Variants in FNDC3B observed in about 807,000 individuals in gnomAD.
The protein encoded by FNDC3B is fibronectin type III domain containing 3B.
A neutral mutation model predicts 151.5 loss-of-function variants in FNDC3B; 12 were observed. The observed-to-expected ratio is 0.08, with a 90% CI of 0.05 to 0.13. The LOEUF (loss-of-function observed/expected upper bound fraction) is 0.13, where lower values mean the gene tolerates loss of function less well. FNDC3B is among the 10% of genes least tolerant of loss of function. The pLI, the probability that FNDC3B is intolerant of heterozygous loss-of-function variation, is 1.00. For missense variants in FNDC3B, 1,214 were observed against 1,505.3 expected (o/e 0.81, Z 3.20); for synonymous variants, 528 against 549.0 (o/e 0.96, Z 0.54).
chr3:172,103,865 A>G (rs1278906369), intron 1 of FNDC3B, among the ~76,000 whole-genome samples: 1 of 152,318 alleles, frequency 6.6e-6, no homozygotes, highest in East Asian at 1.9e-4. Context: ...TTGTGCCTCA[A>G]CCAAGCAGCT....
At chr3:172,140,785 G>T (rs1721589004) in intron 3 of FNDC3B, among the ~76,000 whole-genome samples, 1 of 152,212 alleles carries the variant, frequency 6.6e-6, no homozygotes, top group Non-Finnish European at 1.5e-5. Flanking sequence ...CCTCTCAAGG[G>T]AGGTACTCAG....
At chr3:172,228,655 A>G (rs559599046) in intron 4 of FNDC3B, among the ~76,000 whole-genome samples, 17 of 152,222 alleles carry the variant, frequency 1.1e-4, no homozygotes, top group African/African-American at 3.4e-4. Context: ...TGATGGAAGC[A>G]TGTTGATGCT....
At chr3:172,156,907 A>G (rs1406308813) in intron 3 of FNDC3B, among the ~76,000 whole-genome samples, 1 of 152,154 alleles carries the variant, frequency 6.6e-6, no homozygotes, top group Non-Finnish European at 1.5e-5. Flanking sequence ...TGTCCTCAAT[A>G]TTCCGGTCTG....
intron 16 of FNDC3B, among the ~76,000 whole-genome samples, chr3:172,338,486 A>G (rs981289440): frequency 2.6e-5 from 4 of 152,192 alleles, no homozygotes; most frequent in Non-Finnish European, 1.5e-5. Flanking sequence ...TAACAAGTTT[A>G]GAAAATGTCT....
chr3:172,324,961 T>C (rs1218936934), intron 11 of FNDC3B, among the ~76,000 whole-genome samples: 1 of 152,210 alleles, frequency 6.6e-6, no homozygotes, highest in Non-Finnish European at 1.5e-5. Context: ...GCTAGGAGTC[T>C]CTTCCCTCAG....
At chr3:172,060,391 C>G (rs1717140479) in intron 1 of FNDC3B, among the ~76,000 whole-genome samples, 1 of 151,988 alleles carries the variant, frequency 6.6e-6, no homozygotes, top group African/African-American at 2.4e-5. Flanking sequence ...GGCCCCACAC[C>G]AGGCTTTTCT....
At chr3:172,305,912 C>T (rs756457150) in intron 9 of FNDC3B, among the ~76,000 whole-genome samples, 2 of 152,166 alleles carry the variant, frequency 1.3e-5, no homozygotes, top group African/African-American at 2.4e-5. Context: ...ACTTACAGTG[C>T]GTGCAAAAAG....
At chr3:172,133,702 T>C in intron 3 of FNDC3B, 156 bp downstream of exon 3, 3 of 704,206 alleles carry the variant, frequency 4.3e-6, no homozygotes, top group Non-Finnish European at 5.2e-6. Flanking sequence ...GTCTCAAATA[T>C]ATATTATGAT....
intron 25 of FNDC3B, among the ~76,000 whole-genome samples, chr3:172,390,041 G>C (rs557963718): frequency 6.6e-6 from 1 of 152,202 alleles, no homozygotes; most frequent in South Asian, 2.1e-4. Context: ...TAAACACTGT[G>C]GTATCAGAAT....
At chr3:172,380,910 GACTATTA>G in intron 24 of FNDC3B, 49 bp from the exon 25 acceptor site, 1 of 1,586,590 alleles carries the variant, frequency 6.3e-7, no homozygotes, top group South Asian at 1.1e-5. Flanking sequence ...CTAAAGTGTT[GACTATTA>G]ACATGATACT....
intron 1 of FNDC3B, among the ~76,000 whole-genome samples, chr3:172,060,762 A>T (rs1232400167): frequency 1.3e-5 from 2 of 152,174 alleles, no homozygotes; most frequent in Non-Finnish European, 2.9e-5. Flanking sequence ...TGATTTAATG[A>T]TGGAGCAGGA....
rs1722461627 is a variant in FNDC3B, at chr3:172,155,961, C to CT, written c.187+22421dup. Among the ~76,000 whole-genome samples the CT allele has an allele frequency of 2.0e-5, 3 of 152,272 alleles. No individual in the cohort carries two copies. The South Asian group carries it at 6.2e-4, about 32-fold the overall frequency. ...GAAGAGCTGTATATGTAACTATATG[C>CT]TTTTTTCCTCAACTTATACTGGAAA... On this transcript the variant is annotated intron_variant, in intron 3 of 25. Transcript: ENST00000415807.
At chr3:172,172,077 T>A (rs542231956) in intron 3 of FNDC3B, among the ~76,000 whole-genome samples, 1 of 152,336 alleles carries the variant, frequency 6.6e-6, no homozygotes, top group South Asian at 2.1e-4. Context: ...ATTGTGTACC[T>A]GCAAACATAT....
intron 3 of FNDC3B, among the ~76,000 whole-genome samples, chr3:172,181,813 G>A (rs1455433153): frequency 1.8e-5 from 2 of 112,004 alleles, no homozygotes; most frequent in Non-Finnish European, 3.3e-5. Flanking sequence ...TGGTGACAGA[G>A]CAAGACTCCA....
intron 1 of FNDC3B, among the ~76,000 whole-genome samples, chr3:172,076,186 C>T (rs1258149297): frequency 6.6e-6 from 1 of 152,114 alleles, no homozygotes; most frequent in Non-Finnish European, 1.5e-5. Context: ...TAACTAGGGC[C>T]AGGGTCTTTC....
chr3:172,229,345 T>G (rs1726768746), intron 4 of FNDC3B, among the ~76,000 whole-genome samples: 2 of 152,198 alleles, frequency 1.3e-5, no homozygotes, highest in Non-Finnish European at 2.9e-5. Context: ...TGCTTACCTC[T>G]CAAGAGGCAC....
At chr3:172,256,318 A>T (rs778074201) in intron 6 of FNDC3B, among the ~76,000 whole-genome samples, 3 of 152,166 alleles carry the variant, frequency 2.0e-5, no homozygotes, top group Non-Finnish European at 4.4e-5. Flanking sequence ...ACATATTATG[A>T]TGGCAGATAA....
chr3:172,364,020 T>C (rs907993371), intron 23 of FNDC3B, among the ~76,000 whole-genome samples: 3 of 152,228 alleles, frequency 2.0e-5, no homozygotes, highest in Admixed American at 1.3e-4. Context: ...TGGTAATTTT[T>C]ATGACAGAAC....
At chr3:172,354,869 C>CTT (rs770411626) in intron 22 of FNDC3B, among the ~76,000 whole-genome samples, 21 of 129,094 alleles carry the variant, frequency 1.6e-4, no homozygotes, top group African/African-American at 5.0e-4. Context: ...GTTTGATTTT[C>CTT]TTTTTTTTTT....
Sources: gnomAD v4.1 joint callset for allele counts (sites outside exome capture counted in the v4.1 genomes callset) on GRCh38, gnomAD v4.1.1 for gene constraint, MANE v1.5 for transcripts, NCBI Gene and HGNC (gene_info 2026-07-23, HGNC 2026-07-21) for gene names.